RERE: variants seen among roughly 807,000 people sequenced by gnomAD.
The protein encoded by RERE is arginine-glutamic acid dipeptide repeats protein.
RERE carries 40 observed loss-of-function variants against 146.1 expected under a neutral mutation model. The observed-to-expected ratio is 0.27, with a 90% CI of 0.21 to 0.36. The LOEUF (loss-of-function observed/expected upper bound fraction) is 0.36. Ranked by LOEUF, RERE falls within the 10% of genes least tolerant of loss-of-function variation. RERE has a pLI of 1.00. For missense variants in RERE, 1,933 were observed against 2,138.7 expected (o/e 0.90, Z 1.90); for synonymous variants, 1,003 against 866.0 (o/e 1.16, Z -2.78).
chr1:8,615,387 C>T (rs1479356471), intron 3 of RERE, among the ~76,000 whole-genome samples: 4 of 152,218 alleles, frequency 2.6e-5, no homozygotes, highest in South Asian at 2.1e-4. Flanking sequence ...GTATGTATCA[C>T]GTGTCTTTTT....
chr1:8,520,614 G>A (rs948531887), intron 7 of RERE, among the ~76,000 whole-genome samples: 20 of 151,866 alleles, frequency 1.3e-4, no homozygotes, highest in African/African-American at 4.8e-4. Flanking sequence ...GTAACCTACC[G>A]TGTATCTGGC....
At chr1:8,770,873 C>G (rs1228152605) in intron 1 of RERE, among the ~76,000 whole-genome samples, 1 of 152,132 alleles carries the variant, frequency 6.6e-6, no homozygotes, top group Non-Finnish European at 1.5e-5. Flanking sequence ...TAACCGGAGG[C>G]AGTCTAAACA....
intron 1 of RERE, among the ~76,000 whole-genome samples, chr1:8,720,190 T>C (rs888043904): frequency 6.6e-6 from 1 of 151,494 alleles, no homozygotes; most frequent in African/African-American, 2.4e-5. Flanking sequence ...GGAGAATCGC[T>C]TGAACCCAGG....
At chr1:8,488,576 G>A (rs1553173505) in intron 10 of RERE, among the ~76,000 whole-genome samples, 1 of 152,094 alleles carries the variant, frequency 6.6e-6, no homozygotes, top group Non-Finnish European at 1.5e-5. Context: ...CTGGAAGGCT[G>A]ATTCTAAAAT....
At chr1:8,804,445 T>C (rs1445551512) in intron 1 of RERE, among the ~76,000 whole-genome samples, 2 of 152,216 alleles carry the variant, frequency 1.3e-5, no homozygotes, top group East Asian at 3.8e-4. Flanking sequence ...GCCATTCTAC[T>C]GGTATTTATG....
intron 10 of RERE, among the ~76,000 whole-genome samples, chr1:8,481,260 G>A (rs1431687013): frequency 1.3e-5 from 2 of 152,148 alleles, no homozygotes; most frequent in African/African-American, 2.4e-5. Flanking sequence ...GAGACTACAG[G>A]AGCATACCAC....
chr1:8,575,567 T>A lies in RERE; in HGVS notation c.523-18044A>T, dbSNP rs1314471000. ...TATATATATATATATATATATTTTT[T>A]TTTTTTTTGGCAGAGACAGTGTCTC... On this transcript the variant is annotated intron_variant, in intron 4 of 22. Coordinates refer to ENST00000400908, the MANE Select transcript of RERE (RefSeq NM_001042681.2). Among the ~76,000 whole-genome samples the A allele has an allele frequency of 9.2e-5, 13 of 142,072 alleles. 1 individual carries two copies. In the South Asian group the frequency reaches 1.1e-3, roughly 12 times the overall value. 93.2% of individuals were successfully genotyped at this position (142,072 alleles called of 152,430 possible). A position where few individuals can be genotyped will look rare whatever the true frequency, so the allele number is the denominator to read the frequency against.
intron 11 of RERE, among the ~76,000 whole-genome samples, chr1:8,451,226 T>A (rs1175474306): frequency 6.6e-6 from 1 of 151,942 alleles, no homozygotes; most frequent in Non-Finnish European, 1.5e-5. Flanking sequence ...AGGTCAGGAG[T>A]TGGAGACTAG....
At chr1:8,726,442 C>A (rs1451505414) in intron 1 of RERE, among the ~76,000 whole-genome samples, 1 of 152,110 alleles carries the variant, frequency 6.6e-6, no homozygotes, top group Non-Finnish European at 1.5e-5. Flanking sequence ...CGTGAGCCAA[C>A]GCGCCCGGCC....
rs74460337 is a variant in RERE at position 8,460,231 on chromosome 1, G to A, written c.1203+5694C>T. On this transcript the variant is annotated intron_variant, in intron 11 of 22. Transcript: ENST00000400908. ...CATTCAGATGCCTAGCTTGAAAAGA[G>A]TGAACAATGAAAACAATGTTTTCTC... is the stretch of plus-strand genomic sequence containing the variant. Among the ~76,000 whole-genome samples, 1,050 of 152,228 alleles carry A rather than the reference G, an allele frequency of 6.9e-3. 9 individuals carry two copies. Among genetic ancestry groups the A allele is most frequent in the African/African-American group, 0.024 (993 of 41,534 alleles).
At chr1:8,359,241 C>T (rs1641448047) in intron 19 of RERE, among the ~76,000 whole-genome samples, 1 of 152,206 alleles carries the variant, frequency 6.6e-6, no homozygotes, top group South Asian at 2.1e-4. Context: ...GCCCAGCAGG[C>T]CAGGAACCTC....
intron 12 of RERE, among the ~76,000 whole-genome samples, chr1:8,389,762 G>A (rs1014296559): frequency 4.6e-5 from 7 of 152,154 alleles, no homozygotes; most frequent in South Asian, 2.1e-4. Flanking sequence ...TGTAGTATGC[G>A]AATAAAACAA....
chr1:8,681,510 A>T (rs1257836941), intron 1 of RERE, among the ~76,000 whole-genome samples: 2 of 152,188 alleles, frequency 1.3e-5, no homozygotes, highest in Non-Finnish European at 2.9e-5. Context: ...TACTTAGCTT[A>T]ATTATTCCAT....
chr1:8,688,239 A>G (rs2124412492), intron 1 of RERE, among the ~76,000 whole-genome samples: 1 of 152,304 alleles, frequency 6.6e-6, no homozygotes, highest in Non-Finnish European at 1.5e-5. Flanking sequence ...CGAGTTTGAG[A>G]GGAGCCTGGA....
intron 12 of RERE, among the ~76,000 whole-genome samples, chr1:8,409,530 G>C (rs1301121990): frequency 6.6e-6 from 1 of 152,168 alleles, no homozygotes; most frequent in African/African-American, 2.4e-5. Flanking sequence ...CCAAAGCAAT[G>C]ATTTTACCTT....
intron 4 of RERE, among the ~76,000 whole-genome samples, chr1:8,579,688 C>T (rs1646340124): frequency 1.3e-5 from 2 of 152,244 alleles, no homozygotes; most frequent in South Asian, 4.1e-4. Context: ...ACTACCCCAT[C>T]TGAAATCTGC....
At chr1:8,656,588 A>G (rs1638320790) in intron 1 of RERE, 147 bp from the exon 2 acceptor site, 1 of 350,804 alleles carries the variant, frequency 2.9e-6, no homozygotes, top group Non-Finnish European at 5.1e-6. Flanking sequence ...TTAAAATTTA[A>G]AAACTACAGT....
chr1:8,410,047 G>A (rs775917907), intron 12 of RERE, among the ~76,000 whole-genome samples: 3 of 148,456 alleles, frequency 2.0e-5, no homozygotes, highest in Admixed American at 6.8e-5. Flanking sequence ...ATGAGAGCTG[G>A]GATAAAGACA....
intron 1 of RERE, among the ~76,000 whole-genome samples, chr1:8,669,329 C>G (rs1638660262): frequency 6.6e-6 from 1 of 152,082 alleles, no homozygotes; most frequent in African/African-American, 2.4e-5. Flanking sequence ...GCTTGCCTTG[C>G]CCTCCAGCAA....
Sources: gnomAD v4.1 joint callset for allele counts (sites outside exome capture counted in the v4.1 genomes callset) on GRCh38, gnomAD v4.1.1 for gene constraint, MANE v1.5 for transcripts, NCBI Gene and HGNC (gene_info 2026-07-23, HGNC 2026-07-21) for gene names.